TMEM272: variants seen among roughly 807,000 people sequenced by gnomAD.
The protein encoded by TMEM272 is long intergenic non-protein coding RNA 282.
TMEM272 carries 8 observed loss-of-function variants against 3.7 expected under a neutral mutation model. That is an observed-to-expected ratio of 2.17 (90% CI 1.27 to 3.91). TMEM272 has a LOEUF of 3.91. Ranked by LOEUF, TMEM272 falls within the 30% of genes most tolerant of loss-of-function variation. TMEM272 has a pLI of 0.00. For missense variants in TMEM272, 166 were observed against 91.5 expected (o/e 1.81, Z -3.32); for synonymous variants, 63 against 39.8 (o/e 1.58, Z -2.20).
At chr13:51,913,462 G>T in the TMEM272 span, among the ~76,000 whole-genome samples, 23 of 152,198 alleles carry the variant, frequency 1.5e-4, no homozygotes, top group Non-Finnish European at 3.1e-4. Flanking sequence ...TGCTCTCTAA[G>T]CCAGTGACAA....
the TMEM272 span, among the ~76,000 whole-genome samples, chr13:51,919,047 C>T: frequency 6.6e-6 from 1 of 152,072 alleles, no homozygotes; most frequent in Non-Finnish European, 1.5e-5. Flanking sequence ...TTTTCCTTCT[C>T]TTTCTCTACC....
chr13:51,933,345 C>A, the TMEM272 span: 3 of 152,120 alleles, frequency 2.0e-5, no homozygotes, highest in Non-Finnish European at 4.4e-5. Flanking sequence ...TAATAGCTAC[C>A]CTGCTGGTTG....
intron 3 of TMEM272, among the ~76,000 whole-genome samples, chr13:51,826,270 C>T (rs1376897337): frequency 1.3e-5 from 2 of 152,134 alleles, no homozygotes; most frequent in Non-Finnish European, 2.9e-5. Context: ...AACCTCTAGC[C>T]CAGTCACTTC....
In TMEM272 at chr13:51,813,555, T is replaced by C; in HGVS notation, c.*3196A>G. ...GGGCCTGACATAAGCCAGTCCAGGC[T>C]GTATGTGTGGCCCGAGTGCACACAT... On this transcript the variant is annotated 3_prime_UTR_variant, in exon 5 of 5. Transcript: ENST00000629372. 1 of 308,060 alleles carries C rather than the reference T, an allele frequency of 3.2e-6. No homozygotes were observed. Among genetic ancestry groups the C allele is most frequent in the Non-Finnish European group, 5.9e-6 (1 of 169,362 alleles). 19.1% of individuals were successfully genotyped at this position (308,060 alleles called of 1,614,324 possible).
the TMEM272 span, chr13:51,865,801 C>CT: frequency 1.1e-5 from 17 of 1,614,206 alleles, no homozygotes; most frequent in Non-Finnish European, 1.4e-5. Context: ...AGGACAATGC[C>CT]TTATGGGAAA....
At chr13:51,897,565 G>A in the TMEM272 span, among the ~76,000 whole-genome samples, 5 of 151,808 alleles carry the variant, frequency 3.3e-5, no homozygotes, top group African/African-American at 9.7e-5. Flanking sequence ...TCCCTGGAGG[G>A]GGACTCTTAT....
the TMEM272 span, among the ~76,000 whole-genome samples, chr13:51,871,819 CACACACACACACACACACACACACAA>C: frequency 2.0e-5 from 3 of 151,046 alleles, no homozygotes; most frequent in East Asian, 1.9e-4. Context: ...CACACACACA[CACACACACACACACACACACACACAA>C]ACAGAGACGC....
rs1956018527 is a variant in TMEM272, at chr13:51,815,900, C to CAGTTT, written c.*850_*851insAAACT. The CAGTTT allele has an allele frequency of 6.6e-6, 1 of 152,234 alleles. No individual in the cohort carries two copies. Among genetic ancestry groups the CAGTTT allele is most frequent in the Non-Finnish European group, 1.5e-5 (1 of 68,050 alleles). The allele number at this position is 152,234 out of a possible 1,614,324, so 9.4% of individuals were successfully genotyped here. On this transcript the variant is annotated 3_prime_UTR_variant, in exon 5 of 5. Transcript: ENST00000629372. ...GATATTTAAGCTCAGAAACCAAAAA[C>CAGTTT]AGCTACACTGACGGCACCCCAACTC...
chr13:51,910,213 A>G, the TMEM272 span: 25 of 1,214,336 alleles, frequency 2.1e-5, no homozygotes, highest in African/African-American at 3.3e-4. Context: ...TCAGAATTGG[A>G]CCTGTTCAGC....
At position 51,832,418 on chromosome 13, in the gene TMEM272, G is replaced by A. The variant is rs546692016; in HGVS notation, c.59-5793C>T. On this transcript the variant is annotated intron_variant, in intron 2 of 4. Coordinates refer to ENST00000629372, the MANE Select transcript of TMEM272 (RefSeq NM_001351003.2). ...CCCCAGATCTTTTGCTTAGTTTAGT[G>A]CAGAAACTGAGACTGGGACCCAGCA... Among the ~76,000 whole-genome samples, 3 of 152,278 alleles carry A rather than the reference G, an allele frequency of 2.0e-5. No individual in the cohort carries two copies. In the East Asian group the frequency reaches 5.8e-4, roughly 29 times the overall value.
the TMEM272 span, among the ~76,000 whole-genome samples, chr13:51,905,178 A>G: frequency 6.6e-6 from 1 of 152,216 alleles, no homozygotes; most frequent in East Asian, 1.9e-4. Context: ...AGGAGAAGAA[A>G]TGTCAGGCTG....
At chr13:51,841,722 G>A (rs947355377) in intron 1 of TMEM272, among the ~76,000 whole-genome samples, 5 of 152,178 alleles carry the variant, frequency 3.3e-5, no homozygotes, top group African/African-American at 9.7e-5. Context: ...ACCACAAGAG[G>A]TGGCAGCCAA....
chr13:51,880,094 G>A, the TMEM272 span, among the ~76,000 whole-genome samples: 26 of 152,168 alleles, frequency 1.7e-4, no homozygotes, highest in Non-Finnish European at 3.4e-4. Flanking sequence ...GGTCGTCAAC[G>A]AAACTGTAGA....
At chr13:51,903,033 T>C in the TMEM272 span, among the ~76,000 whole-genome samples, 1 of 151,536 alleles carries the variant, frequency 6.6e-6, no homozygotes, top group African/African-American at 2.4e-5. Flanking sequence ...AAGGCACCAA[T>C]AGCATCCACT....
At chr13:51,905,798 G>A in the TMEM272 span, among the ~76,000 whole-genome samples, 25 of 152,368 alleles carry the variant, frequency 1.6e-4, 1 homozygote, top group Middle Eastern at 0.01. Flanking sequence ...TAATGTCAGC[G>A]TGTGTCTGAG....
chr13:51,831,709 C>T (rs746425655), intron 2 of TMEM272, among the ~76,000 whole-genome samples: 1 of 152,264 alleles, frequency 6.6e-6, no homozygotes, highest in Non-Finnish European at 1.5e-5. Flanking sequence ...ACCCACTCCT[C>T]AGTCTTTGGA....
At chr13:51,883,376 T>C in the TMEM272 span, among the ~76,000 whole-genome samples, 2 of 152,170 alleles carry the variant, frequency 1.3e-5, no homozygotes, top group African/African-American at 2.4e-5. Flanking sequence ...TACGTGAGCA[T>C]CGAAGAGTGA....
chr13:51,909,387 G>C, the TMEM272 span: 1 of 872,302 alleles, frequency 1.1e-6, no homozygotes, highest in Admixed American at 1.8e-5. Flanking sequence ...GTCTACTTTA[G>C]AAAGTTTCTC....
At chr13:51,930,872 AG>A in the TMEM272 span, among the ~76,000 whole-genome samples, 1 of 152,076 alleles carries the variant, frequency 6.6e-6, no homozygotes. Context: ...TTAATAAAAA[AG>A]GTTTTATTTA....
Sources: allele counts gnomAD v4.1 joint callset (sites outside exome capture counted in the v4.1 genomes callset), GRCh38; gene constraint gnomAD v4.1.1; transcripts MANE v1.5; gene names NCBI Gene and HGNC (gene_info 2026-07-23, HGNC 2026-07-21).